TNR: variants seen among roughly 807,000 people sequenced by gnomAD.
The protein encoded by TNR is tenascin-R.
Under a neutral mutation model 150.4 loss-of-function variants are expected in TNR, and 45 were observed. The ratio of observed to expected loss-of-function variants is 0.30; its 90% CI spans 0.24 to 0.38. The LOEUF is 0.38. Among genes scored for constraint, TNR ranks in the 10% least tolerant of loss-of-function variants. The probability of loss-of-function intolerance (pLI) is 1.00; values close to 1 mark genes in which losing one functional copy is unlikely to be tolerated. For synonymous variants in TNR, 687 were observed against 678.4 expected, an observed-to-expected ratio of 1.01 and a Z score of -0.20; for missense variants, 1,544 against 1,759.1, an observed-to-expected ratio of 0.88 and a Z score of 2.19.
rs183004089 is a variant in TNR at position 175,399,404 on chromosome 1, A to G, written c.977-2597T>C. Reference sequence around the variant, plus strand: ...ATTTTGGGATTTTAAAGCAAAAAAAAGAGGTGCAGAAGGATTTTTAAAAAA... The same window carrying G: ...ATTTTGGGATTTTAAAGCAAAAAAAGGAGGTGCAGAAGGATTTTTAAAAAA... On this transcript the variant is annotated intron_variant, in intron 4 of 22. Coordinates refer to ENST00000367674, the MANE Select transcript of TNR (RefSeq NM_003285.3). Among the ~76,000 whole-genome samples, 30 of 152,324 alleles carry G rather than the reference A, an allele frequency of 2.0e-4. 1 individual carries two copies. Among genetic ancestry groups the G allele is most frequent in the African/African-American group, 6.5e-4 (27 of 41,586 alleles).
chr1:175,563,095 T>C (rs1457912351), intron 1 of TNR, among the ~76,000 whole-genome samples: 2 of 152,188 alleles, frequency 1.3e-5, no homozygotes, highest in African/African-American at 4.8e-5. Context: ...CACAAATTTG[T>C]CTTGCAATGA....
At chr1:175,659,343 G>T (rs1201587510) in intron 1 of TNR, among the ~76,000 whole-genome samples, 1 of 152,206 alleles carries the variant, frequency 6.6e-6, no homozygotes. Context: ...AAAGAGGAAG[G>T]TCTCTGCCAA....
intron 1 of TNR, among the ~76,000 whole-genome samples, chr1:175,719,714 T>C (rs1250847975): frequency 4.6e-5 from 7 of 152,180 alleles, no homozygotes; most frequent in Non-Finnish European, 1.0e-4. Context: ...AGGCTGTGAC[T>C]AGGACACAAT....
intron 1 of TNR, among the ~76,000 whole-genome samples, chr1:175,562,528 G>A (rs1325023796): frequency 6.6e-6 from 1 of 152,226 alleles, no homozygotes; most frequent in African/African-American, 2.4e-5. Context: ...CATTGGCAGG[G>A]TAGAATTCTA....
chr1:175,620,459 C>G (rs1218073763), intron 1 of TNR, among the ~76,000 whole-genome samples: 1 of 152,228 alleles, frequency 6.6e-6, no homozygotes, highest in Non-Finnish European at 1.5e-5. Flanking sequence ...TGGCTTTTAT[C>G]TGAGCTGTTA....
intron 1 of TNR, among the ~76,000 whole-genome samples, chr1:175,577,019 GC>G (rs1190342390): frequency 6.6e-6 from 1 of 152,152 alleles, no homozygotes; most frequent in Non-Finnish European, 1.5e-5. Flanking sequence ...TTTCAAGCAT[GC>G]CCCCTGGGGG....
chr1:175,339,696 T>C (rs1387488413), intron 18 of TNR, among the ~76,000 whole-genome samples: 3 of 152,212 alleles, frequency 2.0e-5, no homozygotes, highest in African/African-American at 7.2e-5. Flanking sequence ...TAATAGCCCC[T>C]TTTCCTGAAG....
chr1:175,354,133 C>T (rs1651203019), intron 18 of TNR, among the ~76,000 whole-genome samples: 2 of 152,190 alleles, frequency 1.3e-5, no homozygotes, highest in Admixed American at 6.5e-5. Flanking sequence ...GTGTGAGTCA[C>T]CGCACCCAGC....
intron 15 of TNR, 145 bp from the exon 16 acceptor site, chr1:175,356,607 A>T: frequency 2.1e-6 from 2 of 967,068 alleles, no homozygotes; most frequent in East Asian, 5.3e-5. Context: ...TTAGTATCTT[A>T]CTCTTTGCAA....
At chr1:175,693,845 C>A (rs1666441440) in intron 1 of TNR, among the ~76,000 whole-genome samples, 1 of 152,234 alleles carries the variant, frequency 6.6e-6, no homozygotes, top group South Asian at 2.1e-4. Context: ...ACTTTCTGTA[C>A]AATAAAATCA....
intron 2 of TNR, among the ~76,000 whole-genome samples, chr1:175,477,525 T>C (rs757187978): frequency 7.9e-5 from 12 of 152,218 alleles, no homozygotes; most frequent in Non-Finnish European, 1.5e-4. Context: ...TGGGCATACA[T>C]AGTGCTTTGC....
At chr1:175,738,313 A>G (rs1307322235) in intron 1 of TNR, among the ~76,000 whole-genome samples, 1 of 152,232 alleles carries the variant, frequency 6.6e-6, no homozygotes, top group African/African-American at 2.4e-5. Flanking sequence ...TGTGGTACAT[A>G]CATACAGTGG....
rs1663150957 is a variant in TNR, at chr1:175,599,559, A to G, written c.-164-71190T>C. ...CGGTTAATGGGGTCTCTGCTGGGCT[A>G]GTGTCCCGCATCAGCGGTAATGGGG... On this transcript the variant is annotated intron_variant, in intron 1 of 22. Transcript: ENST00000367674. The surrounding 1 kb of genome is among the most constrained non-coding windows in gnomAD (Gnocchi z 4.7). Among the ~76,000 whole-genome samples the G allele has an allele frequency of 1.3e-5, 2 of 152,134 alleles. No individual in the cohort carries two copies. Among genetic ancestry groups the G allele is most frequent in the East Asian group, 3.9e-4 (2 of 5,172 alleles).
At chr1:175,719,943 G>A (rs574096614) in intron 1 of TNR, among the ~76,000 whole-genome samples, 153 of 152,288 alleles carry the variant, frequency 1.0e-3, no homozygotes, top group African/African-American at 3.0e-3. Flanking sequence ...AGTGGCAGGC[G>A]TGCCTGCCAG....
In TNR at chr1:175,415,183, G is replaced by A. The variant is rs1374674007; in HGVS notation, c.-63-8406C>T. Among the ~76,000 whole-genome samples, 3 of 146,482 alleles carry A rather than the reference G, an allele frequency of 2.0e-5. No homozygotes were observed. The East Asian group carries it at 6.0e-4, about 29-fold the overall frequency. On this transcript the variant is annotated intron_variant, in intron 2 of 22. Transcript: ENST00000367674. ...TTTTGTTAGAATTCGTTTAAAAATAGTTTCCTCCCTGCCGTTGGGATGCTC... is the reference window on the plus strand; with the variant it reads ...TTTTGTTAGAATTCGTTTAAAAATAATTTCCTCCCTGCCGTTGGGATGCTC...
chr1:175,479,281 C>A (rs1657675688), intron 2 of TNR, among the ~76,000 whole-genome samples: 1 of 152,200 alleles, frequency 6.6e-6, no homozygotes, highest in Non-Finnish European at 1.5e-5. Flanking sequence ...TTTCCTTGAG[C>A]AATTTGGGAC....
At chr1:175,604,211 A>G (rs1249195778) in intron 1 of TNR, among the ~76,000 whole-genome samples, 1 of 152,136 alleles carries the variant, frequency 6.6e-6, no homozygotes, top group Non-Finnish European at 1.5e-5. Flanking sequence ...CTAGCCAGCT[A>G]CATTAATCAC....
At chr1:175,515,871 G>T (rs967396417) in intron 2 of TNR, among the ~76,000 whole-genome samples, 5 of 152,286 alleles carry the variant, frequency 3.3e-5, no homozygotes, top group African/African-American at 1.2e-4. Flanking sequence ...ATTCTAAATT[G>T]GGATGAGGGC....
At chr1:175,731,356 T>C (rs1339169199) in intron 1 of TNR, among the ~76,000 whole-genome samples, 2 of 152,194 alleles carry the variant, frequency 1.3e-5, no homozygotes, top group African/African-American at 4.8e-5. Flanking sequence ...CTACCATCTA[T>C]AAATTGGCAG....
Sources: gnomAD v4.1 joint callset for allele counts (sites outside exome capture counted in the v4.1 genomes callset) on GRCh38, gnomAD v4.1.1 for gene constraint, Gnocchi (gnomAD v3.1) non-coding constraint, MANE v1.5 for transcripts, NCBI Gene and HGNC (gene_info 2026-07-23, HGNC 2026-07-21) for gene names.